The following CAPZB variants were observed in gnomAD, a reference collection of about 807,000 sequenced individuals.
The protein encoded by CAPZB is F-actin-capping protein subunit beta.
CAPZB carries 2 observed loss-of-function variants against 38.1 expected under a neutral mutation model. That is an observed-to-expected ratio of 0.05 (90% CI 0.02 to 0.17). CAPZB has a LOEUF of 0.17. Among genes scored for constraint, CAPZB ranks in the 10% least tolerant of loss-of-function variants. The pLI, the probability that CAPZB is intolerant of heterozygous loss-of-function variation, is 1.00. For synonymous variants in CAPZB, 107 were observed against 127.4 expected (o/e 0.84, Z 1.08); for missense variants, 161 against 334.2 (o/e 0.48, Z 4.04).
At chr1:19,375,308 C>T (rs1179044308) in intron 4 of CAPZB, among the ~76,000 whole-genome samples, 4 of 152,242 alleles carry the variant, frequency 2.6e-5, no homozygotes, top group South Asian at 4.1e-4. Context: ...CAGCACACTC[C>T]GATGGCACTG....
At chr1:19,485,002 G>C (rs75695431) in intron 1 of CAPZB, among the ~76,000 whole-genome samples, 1 of 152,018 alleles carries the variant, frequency 6.6e-6, no homozygotes, top group Non-Finnish European at 1.5e-5. Context: ...GGCCTAGCCT[G>C]GGCCATGGCA....
chr1:19,344,987 G>A lies in CAPZB; in HGVS notation c.654+200C>T, dbSNP rs796065566. 2.1e-4 allele frequency among the ~76,000 whole-genome samples: 32 copies of A among 152,346 alleles called. 2 individuals are homozygous for A. Among genetic ancestry groups the A allele is most frequent in the African/African-American group, 7.7e-4 (32 of 41,588 alleles). ...CAGGTCTGGGGGTGGAGCAGGAGGT[G>A]GCCCTGAAGCTGGAGCCTGCTGGCA... is the stretch of plus-strand genomic sequence containing the variant. On this transcript the variant is annotated intron_variant, in intron 7 of 8. Coordinates refer to ENST00000264202, the MANE Select transcript of CAPZB (RefSeq NM_004930.5).
intron 1 of CAPZB, among the ~76,000 whole-genome samples, chr1:19,469,820 A>C (rs1401632333): frequency 6.6e-6 from 1 of 151,812 alleles, no homozygotes. Flanking sequence ...AGCACAGTAA[A>C]GGGCTTGCAA....
chr1:19,378,821 A>G (rs2094157053), intron 3 of CAPZB, among the ~76,000 whole-genome samples, 168 bp from the exon 4 acceptor site: 1 of 152,164 alleles, frequency 6.6e-6, no homozygotes, highest in African/African-American at 2.4e-5. Flanking sequence ...GGAGGTTTGG[A>G]GAACAAGGGC....
In CAPZB at chr1:19,359,210, CTTTTT is replaced by C. The variant is rs57251931; in HGVS notation, c.330-1652_330-1648del. Among the ~76,000 whole-genome samples the C allele has an allele frequency of 3.8e-3, 439 of 114,394 alleles. 5 individuals carry two copies. Among genetic ancestry groups the C allele is most frequent in the African/African-American group, 0.011 (336 of 29,766 alleles). The allele number at this position is 114,394 out of a possible 152,430, so 75.0% of individuals were successfully genotyped here. ...TGGGTATACAAGAATTCTCTGTACT[CTTTTT>C]TTTTTTTTTTTTTTTTTGCAATTTT... On this transcript the variant is annotated intron_variant, in intron 4 of 8. Coordinates refer to ENST00000264202, the MANE Select transcript of CAPZB (RefSeq NM_004930.5).
intron 1 of CAPZB, among the ~76,000 whole-genome samples, chr1:19,464,996 T>C (rs2094564568): frequency 6.6e-6 from 1 of 151,992 alleles, no homozygotes. Flanking sequence ...GTACCAAAAC[T>C]CAAACTGTAC....
chr1:19,422,938 G>C (rs1345788634), intron 1 of CAPZB, among the ~76,000 whole-genome samples: 1 of 152,258 alleles, frequency 6.6e-6, no homozygotes, highest in Non-Finnish European at 1.5e-5. Context: ...TGTTATCTAG[G>C]AAAAGACCTA....
At position 19,484,793 on chromosome 1, in the gene CAPZB, G is replaced by A. The variant is rs527636011; in HGVS notation, c.3+643C>T. ...AGTCCAGGGAAGGGGATCATGGTGGGGAGGGGGCAGTGAGGTCCAGACGGG... is the reference window on the plus strand; with the variant it reads ...AGTCCAGGGAAGGGGATCATGGTGGAGAGGGGGCAGTGAGGTCCAGACGGG... On this transcript the variant is annotated intron_variant, in intron 1 of 8. Coordinates refer to ENST00000264202, the MANE Select transcript of CAPZB (RefSeq NM_004930.5). 15 of 810,614 alleles carry A rather than the reference G, an allele frequency of 1.9e-5. No homozygotes were observed. In the South Asian group the frequency reaches 5.7e-4, roughly 31 times the overall value. 50.2% of individuals were successfully genotyped at this position (810,614 alleles called of 1,614,324 possible).
chr1:19,425,242 C>T (rs1490867790), intron 1 of CAPZB, among the ~76,000 whole-genome samples: 1 of 152,206 alleles, frequency 6.6e-6, no homozygotes. Flanking sequence ...AGTTCCACCA[C>T]CCAATGGTGT....
intron 3 of CAPZB, among the ~76,000 whole-genome samples, chr1:19,379,830 T>C (rs995129263): frequency 1.3e-5 from 2 of 152,188 alleles, no homozygotes; most frequent in Admixed American, 1.3e-4. Context: ...TCAGAGAAAG[T>C]AGCAGAATTA....
intron 6 of CAPZB, 35 bp from the exon 7 acceptor site, chr1:19,345,287 G>A (rs749108124): frequency 3.2e-6 from 5 of 1,566,448 alleles, no homozygotes; most frequent in Non-Finnish European, 4.4e-6. Context: ...GTCAGAGAAA[G>A]CCAGAGATTT....
intron 1 of CAPZB, among the ~76,000 whole-genome samples, chr1:19,433,689 G>A (rs1159476962): frequency 6.6e-6 from 1 of 152,128 alleles, no homozygotes; most frequent in Non-Finnish European, 1.5e-5. Flanking sequence ...CTGCTTTTTT[G>A]ACTTATGTCC....
Position 19,395,134 on chromosome 1 carries a change from C to T in CAPZB, c.94-9508G>A, listed in dbSNP as rs551387413. Among the ~76,000 whole-genome samples the T allele has an allele frequency of 7.9e-5, 12 of 152,320 alleles. No homozygotes were observed. In the South Asian group the frequency reaches 1.5e-3, roughly 18 times the overall value. The stretch of plus-strand genomic sequence containing the variant: ...CATTTTCTACTTCCAGTGGATTTTT[C>T]GTCACGTAACCCCTTCGAGGGTGCA... On this transcript the variant is annotated intron_variant, in intron 2 of 8. Coordinates refer to ENST00000264202, the MANE Select transcript of CAPZB (RefSeq NM_004930.5).
chr1:19,412,566 T>C (rs979453016), intron 2 of CAPZB, among the ~76,000 whole-genome samples: 1 of 152,190 alleles, frequency 6.6e-6, no homozygotes, highest in Non-Finnish European at 1.5e-5. Flanking sequence ...TTCAGATGAA[T>C]GCCACATTTC....
rs115768146 is a variant in CAPZB, at chr1:19,438,239, C to T, written c.4-18489G>A. Among the ~76,000 whole-genome samples the T allele has an allele frequency of 9.3e-3, 1,421 of 152,212 alleles. 17 individuals carry two copies. Among genetic ancestry groups the T allele is most frequent in the South Asian group, 0.027 (131 of 4,826 alleles). ...AAACTAGGGAGTGCGCGATCAGAGACGGGAGGCTGGGGAGAGCAGGGAGGC... is the reference window on the plus strand; with the variant it reads ...AAACTAGGGAGTGCGCGATCAGAGATGGGAGGCTGGGGAGAGCAGGGAGGC... On this transcript the variant is annotated intron_variant, in intron 1 of 8. Transcript: ENST00000264202.
intron 2 of CAPZB, among the ~76,000 whole-genome samples, chr1:19,410,639 C>A (rs1345902997): frequency 6.6e-6 from 1 of 152,214 alleles, no homozygotes; most frequent in Non-Finnish European, 1.5e-5. Flanking sequence ...GAGCTCCACA[C>A]CAGCAGTGGC....
chr1:19,449,488 G>A (rs2094507330), intron 1 of CAPZB, among the ~76,000 whole-genome samples: 1 of 152,130 alleles, frequency 6.6e-6, no homozygotes, highest in South Asian at 2.1e-4. Context: ...GGTTCGTAAA[G>A]AAAATGTAGG....
intron 3 of CAPZB, among the ~76,000 whole-genome samples, chr1:19,383,849 T>G (rs918992542): frequency 6.6e-6 from 1 of 151,992 alleles, no homozygotes; most frequent in Non-Finnish European, 1.5e-5. Context: ...GTCCGAAGCC[T>G]TGTAATCACC....
intron 2 of CAPZB, among the ~76,000 whole-genome samples, chr1:19,417,089 A>G (rs2094383373): frequency 1.3e-5 from 2 of 152,026 alleles, no homozygotes; most frequent in African/African-American, 4.8e-5. Flanking sequence ...TTCCCTGTTG[A>G]GCCCAGGGAA....
Sources: allele counts gnomAD v4.1 joint callset (sites outside exome capture counted in the v4.1 genomes callset), GRCh38; gene constraint gnomAD v4.1.1; transcripts MANE v1.5; gene names NCBI Gene and HGNC (gene_info 2026-07-23, HGNC 2026-07-21).